Variants in RERE observed in about 807,000 individuals in gnomAD.
RERE encodes arginine-glutamic acid dipeptide repeats.
Under a neutral mutation model 146.1 loss-of-function variants are expected in RERE, and 40 were observed. That is an observed-to-expected ratio of 0.27 (90% confidence interval 0.21 to 0.36). The LOEUF (loss-of-function observed/expected upper bound fraction) is 0.36, where lower values mean the gene tolerates loss of function less well. Among genes scored for constraint, RERE ranks in the 10% least tolerant of loss-of-function variants. The pLI is 1.00. For synonymous variants in RERE, 1,003 were observed against 866.0 expected (o/e 1.16, Z -2.78); for missense variants, 1,933 against 2,138.7 (o/e 0.90, Z 1.90).
At chr1:8,550,739 G>T (rs1263933151) in intron 6 of RERE, among the ~76,000 whole-genome samples, 1 of 152,194 alleles carries the variant, frequency 6.6e-6, no homozygotes. Context: ...GTAGAGACGG[G>T]GTTTTGCCAT....
chr1:8,416,314 G>C (rs796468580), intron 12 of RERE, among the ~76,000 whole-genome samples: 5 of 152,120 alleles, frequency 3.3e-5, no homozygotes, highest in African/African-American at 4.8e-5. Flanking sequence ...GGTCAGGCGC[G>C]GTGGCTCACA....
At chr1:8,669,039 TG>T (rs1638649404) in intron 1 of RERE, among the ~76,000 whole-genome samples, 1 of 132,458 alleles carries the variant, frequency 7.5e-6, no homozygotes, top group African/African-American at 3.4e-5. Flanking sequence ...TGTGTGTGTG[TG>T]TGTGTGTGTG....
At chr1:8,706,527 A>G (rs1330525760) in intron 1 of RERE, among the ~76,000 whole-genome samples, 1 of 152,216 alleles carries the variant, frequency 6.6e-6, no homozygotes, top group Non-Finnish European at 1.5e-5. Context: ...GGTAAACTGG[A>G]CAGAGGACTA....
At chr1:8,441,135 C>A (rs1198939028) in intron 11 of RERE, among the ~76,000 whole-genome samples, 2 of 152,046 alleles carry the variant, frequency 1.3e-5, no homozygotes, top group African/African-American at 2.4e-5. Context: ...CTGCCCCAAG[C>A]TCCTAAGCTA....
At chr1:8,483,040 C>T (rs1301577439) in intron 10 of RERE, among the ~76,000 whole-genome samples, 2 of 152,216 alleles carry the variant, frequency 1.3e-5, no homozygotes, top group Non-Finnish European at 2.9e-5. Context: ...ATAAATAAAA[C>T]ACTGGCAACA....
chr1:8,674,965 G>A (rs938295544), intron 1 of RERE, among the ~76,000 whole-genome samples: 2 of 152,138 alleles, frequency 1.3e-5, no homozygotes, highest in Non-Finnish European at 2.9e-5. Context: ...AATGTAAATG[G>A]AGCACACAGT....
chr1:8,771,909 C>CAA (rs768264978), intron 1 of RERE, among the ~76,000 whole-genome samples: 81 of 59,284 alleles, frequency 1.4e-3, no homozygotes, highest in African/African-American at 4.3e-3. Context: ...GACTCTGTCT[C>CAA]AAAAAAAAAA....
intron 16 of RERE, 67 bp downstream of exon 16, chr1:8,362,616 T>C (rs2252865): frequency 0.68 from 1,087,737 of 1,596,282 alleles, 374,411 homozygotes; most frequent in East Asian, 0.89. Flanking sequence ...TGATCACGAA[T>C]ACCAGCAAAC....
At chr1:8,739,578 A>G (rs1003982374) in intron 1 of RERE, among the ~76,000 whole-genome samples, 10 of 152,204 alleles carry the variant, frequency 6.6e-5, no homozygotes, top group Non-Finnish European at 1.5e-4. Flanking sequence ...ACATCGTGCC[A>G]GCTGGCGGAG....
intron 1 of RERE, among the ~76,000 whole-genome samples, chr1:8,792,115 A>G (rs1641374822): frequency 6.6e-6 from 1 of 152,140 alleles, no homozygotes; most frequent in Non-Finnish European, 1.5e-5. Context: ...AAAGAAAACA[A>G]AACAAAAAGA....
At chr1:8,442,878 T>C (rs1266653109) in intron 11 of RERE, among the ~76,000 whole-genome samples, 1 of 152,096 alleles carries the variant, frequency 6.6e-6, no homozygotes, top group East Asian at 1.9e-4. Context: ...AATGAGGACA[T>C]TATTGGGCAC....
chr1:8,407,776 T>C (rs912735417), intron 12 of RERE, among the ~76,000 whole-genome samples: 2 of 152,162 alleles, frequency 1.3e-5, no homozygotes, highest in Non-Finnish European at 2.9e-5. Flanking sequence ...AAAGCAGCAT[T>C]TAAAACCTTT....
At chr1:8,797,375 C>T (rs952292267) in intron 1 of RERE, among the ~76,000 whole-genome samples, 1 of 40,442 alleles carries the variant, frequency 2.5e-5, no homozygotes, top group African/African-American at 1.3e-4. Context: ...AAGACTCCGC[C>T]TAAAAAAAAA....
At chr1:8,587,439 C>G (rs1646439652) in intron 4 of RERE, among the ~76,000 whole-genome samples, 1 of 152,210 alleles carries the variant, frequency 6.6e-6, no homozygotes, top group Non-Finnish European at 1.5e-5. Context: ...AAATCACTGA[C>G]AGCAAAGACA....
chr1:8,740,539 C>T (rs1390696019), intron 1 of RERE, among the ~76,000 whole-genome samples: 1 of 152,162 alleles, frequency 6.6e-6, no homozygotes, highest in African/African-American at 2.4e-5. Context: ...ACTTTATAAA[C>T]CATTTTTAAA....
intron 1 of RERE, among the ~76,000 whole-genome samples, chr1:8,778,579 G>GT (rs1310926872): frequency 3.3e-5 from 5 of 152,180 alleles, no homozygotes; most frequent in Admixed American, 3.3e-4. Flanking sequence ...GCTCATAACT[G>GT]TAATTCCAGC....
At chr1:8,522,850 G>A (rs1645520621) in intron 7 of RERE, among the ~76,000 whole-genome samples, 2 of 150,404 alleles carry the variant, frequency 1.3e-5, no homozygotes, top group African/African-American at 4.9e-5. Context: ...TCCAGCCTGG[G>A]CAACAAGAGC....
chr1:8,383,444 A>G (rs1642525168), intron 12 of RERE, among the ~76,000 whole-genome samples: 1 of 152,108 alleles, frequency 6.6e-6, no homozygotes, highest in Admixed American at 6.6e-5. Flanking sequence ...TTAATGCAGA[A>G]TTAGCTTTGA....
At chr1:8,584,597 A>G (rs1027949923) in intron 4 of RERE, among the ~76,000 whole-genome samples, 1 of 152,130 alleles carries the variant, frequency 6.6e-6, no homozygotes, top group Admixed American at 6.6e-5. Flanking sequence ...AAAAATGACT[A>G]CAGAGACAGC....
Sources: allele counts gnomAD v4.1 joint callset (sites outside exome capture counted in the v4.1 genomes callset), GRCh38; gene constraint gnomAD v4.1.1; transcripts MANE v1.5; gene names NCBI Gene and HGNC (gene_info 2026-07-23, HGNC 2026-07-21).